Variants in EPB41L3 observed in about 807,000 individuals in gnomAD.
The protein encoded by EPB41L3 is erythrocyte membrane protein band 4.1 like 3, also known as band 4.1-like protein 3.
A neutral mutation model predicts 127.1 loss-of-function variants in EPB41L3; 57 were observed. The ratio of observed to expected loss-of-function variants is 0.45; its 90% confidence interval spans 0.36 to 0.56. EPB41L3 has a LOEUF of 0.56. EPB41L3 is among the 20% of genes least tolerant of loss of function. The probability of loss-of-function intolerance (pLI) is 0.00; values close to 1 mark genes in which losing one functional copy is unlikely to be tolerated. For missense variants in EPB41L3, 1,273 were observed against 1,372.2 expected, an observed-to-expected ratio of 0.93 and a Z score of 1.14; for synonymous variants, 572 against 549.5, an observed-to-expected ratio of 1.04 and a Z score of -0.57.
At chr18:5,473,645 T>C (rs1050087370) in intron 3 of EPB41L3, among the ~76,000 whole-genome samples, 1 of 151,814 alleles carries the variant, frequency 6.6e-6, no homozygotes, top group Admixed American at 6.6e-5. Context: ...ATAAATGAGA[T>C]GAGTGAGAGG....
chr18:5,436,659 C>G (rs942403401), intron 6 of EPB41L3, among the ~76,000 whole-genome samples: 37 of 152,184 alleles, frequency 2.4e-4, no homozygotes, highest in African/African-American at 8.9e-4. Context: ...CCACCTGCCT[C>G]GGCCTCCCAA....
At chr18:5,512,322 C>A (rs1462408494) in intron 1 of EPB41L3, among the ~76,000 whole-genome samples, 1 of 152,164 alleles carries the variant, frequency 6.6e-6, no homozygotes, top group Non-Finnish European at 1.5e-5. Context: ...GGGCACTCAA[C>A]CTTGACTGGG....
At chr18:5,625,722 A>T (rs1202642208) in intron 1 of EPB41L3, among the ~76,000 whole-genome samples, 1 of 152,202 alleles carries the variant, frequency 6.6e-6, no homozygotes, top group Non-Finnish European at 1.5e-5. Flanking sequence ...GCCAGGTCAT[A>T]TTCTAGGTGT....
At chr18:5,464,045 C>T (rs765795920) in intron 3 of EPB41L3, among the ~76,000 whole-genome samples, 1 of 152,110 alleles carries the variant, frequency 6.6e-6, no homozygotes, top group Non-Finnish European at 1.5e-5. Context: ...CTTTCCACTC[C>T]AGCTCATTTC....
At chr18:5,500,022 T>C (rs9960603) in intron 1 of EPB41L3, among the ~76,000 whole-genome samples, 29,339 of 151,336 alleles carry the variant, frequency 0.19, 3,155 homozygotes, top group African/African-American at 0.29. Flanking sequence ...CGAGGCTCAA[T>C]AACTCATAAC....
intron 6 of EPB41L3, among the ~76,000 whole-genome samples, chr18:5,434,842 G>A (rs1243525808): frequency 2.0e-5 from 3 of 152,114 alleles, no homozygotes; most frequent in African/African-American, 7.2e-5. Context: ...AAAATAAAAA[G>A]TTAACTGTAA....
intron 3 of EPB41L3, among the ~76,000 whole-genome samples, chr18:5,558,437 T>C (rs1006456225): frequency 6.6e-6 from 1 of 152,184 alleles, no homozygotes; most frequent in Non-Finnish European, 1.5e-5. Flanking sequence ...GAAATGAGCC[T>C]AACAAACACT....
At chr18:5,456,352 G>A (rs1176678136) in intron 3 of EPB41L3, among the ~76,000 whole-genome samples, 1 of 152,004 alleles carries the variant, frequency 6.6e-6, no homozygotes, top group Non-Finnish European at 1.5e-5. Flanking sequence ...AGAATATCAA[G>A]GTATTACATA....
rs149124487 is a variant in EPB41L3 at position 5,448,091 on chromosome 18, C to G, written c.382-2847G>C. 2.8e-4 allele frequency among the ~76,000 whole-genome samples: 43 copies of G among 152,308 alleles called. 3 individuals are homozygous for G. The East Asian group carries it at 7.9e-3, about 28-fold the overall frequency. The stretch of plus-strand genomic sequence containing the variant: ...AAGGCTTTTAAGTTATTCGGGCCTC[C>G]ATTTTCTCATCCTTGAGTGGGGATG... On this transcript the variant is annotated intron_variant, in intron 3 of 22. Transcript: ENST00000341928.
At chr18:5,411,976 C>T (rs953515635) in intron 13 of EPB41L3, among the ~76,000 whole-genome samples, 3 of 152,098 alleles carry the variant, frequency 2.0e-5, no homozygotes, top group Non-Finnish European at 4.4e-5. Context: ...AGCGTGTTGA[C>T]CCATTTTCAT....
chr18:5,504,711 C>T (rs1257704788), intron 1 of EPB41L3, among the ~76,000 whole-genome samples: 2 of 152,152 alleles, frequency 1.3e-5, no homozygotes, highest in Admixed American at 6.5e-5. Context: ...CTATTTCTTT[C>T]TAAGAAATGA....
At chr18:5,626,714 T>C (rs2094927009) in intron 1 of EPB41L3, among the ~76,000 whole-genome samples, 1 of 152,228 alleles carries the variant, frequency 6.6e-6, no homozygotes, top group Admixed American at 6.5e-5. Context: ...CAGAGTGGAC[T>C]GTGACTTATC....
At chr18:5,556,036 A>C (rs551280718) in intron 3 of EPB41L3, among the ~76,000 whole-genome samples, 2 of 152,264 alleles carry the variant, frequency 1.3e-5, no homozygotes, top group African/African-American at 4.8e-5. Flanking sequence ...ACTAGATGCA[A>C]GTCCCAATAG....
At chr18:5,625,463 T>A (rs970910786) in intron 1 of EPB41L3, among the ~76,000 whole-genome samples, 2 of 152,170 alleles carry the variant, frequency 1.3e-5, no homozygotes, top group Non-Finnish European at 2.9e-5. Flanking sequence ...CACAGGTGAC[T>A]CAGGACATGG....
At chr18:5,542,227 C>T (rs754070362) in intron 1 of EPB41L3, among the ~76,000 whole-genome samples, 2 of 152,076 alleles carry the variant, frequency 1.3e-5, no homozygotes, top group Non-Finnish European at 2.9e-5. Context: ...GTGCTGCTCT[C>T]TTTTCTTAAT....
At chr18:5,496,735 T>A (rs937919588) in intron 1 of EPB41L3, among the ~76,000 whole-genome samples, 1 of 152,242 alleles carries the variant, frequency 6.6e-6, no homozygotes, top group East Asian at 1.9e-4. Context: ...CAAGGCTTTT[T>A]TGCTTTATGT....
chr18:5,523,518 G>T (rs766126459), intron 1 of EPB41L3, among the ~76,000 whole-genome samples: 6 of 151,936 alleles, frequency 3.9e-5, no homozygotes, highest in Non-Finnish European at 7.4e-5. Flanking sequence ...ATATCTATTG[G>T]TCTGGTATGG....
chr18:5,438,012 T>C (rs2080119560), intron 6 of EPB41L3, 23 bp downstream of exon 6: 13 of 1,610,892 alleles, frequency 8.1e-6, no homozygotes, highest in Non-Finnish European at 1.0e-5. Flanking sequence ...TGCTTGTCTT[T>C]TGCATAGCCA....
chr18:5,487,652 C>G (rs1411356691), intron 2 of EPB41L3, among the ~76,000 whole-genome samples: 5 of 151,648 alleles, frequency 3.3e-5, no homozygotes, highest in African/African-American at 1.2e-4. Flanking sequence ...CCACCACACT[C>G]AGCTAATTTT....
Sources: gnomAD v4.1 joint callset for allele counts (sites outside exome capture counted in the v4.1 genomes callset) on GRCh38, gnomAD v4.1.1 for gene constraint, MANE v1.5 for transcripts, NCBI Gene and HGNC (gene_info 2026-07-23, HGNC 2026-07-21) for gene names.